The following MAGI1 variants were observed in gnomAD, a reference collection of about 807,000 sequenced individuals.
MAGI1 encodes the protein membrane-associated guanylate kinase, WW and PDZ domain-containing protein 1.
MAGI1 carries 58 observed loss-of-function variants against 139.9 expected under a neutral mutation model. The ratio of observed to expected loss-of-function variants is 0.41; its 90% confidence interval spans 0.34 to 0.52. MAGI1 has a LOEUF of 0.52. Ranked by LOEUF, MAGI1 falls within the 20% of genes least tolerant of loss-of-function variation. MAGI1 has a pLI of 0.12. For synonymous variants in MAGI1, 812 were observed against 737.9 expected (o/e 1.10, Z -1.63); for missense variants, 1,874 against 1,901.6 (o/e 0.99, Z 0.27).
At chr3:65,578,563 C>T (rs1003278406) in intron 2 of MAGI1, among the ~76,000 whole-genome samples, 14 of 152,198 alleles carry the variant, frequency 9.2e-5, no homozygotes, top group Non-Finnish European at 1.9e-4. Flanking sequence ...CATATTTAAC[C>T]CTACAAGGAG....
intron 1 of MAGI1, among the ~76,000 whole-genome samples, chr3:65,696,658 C>A (rs963089929): frequency 5.3e-5 from 8 of 151,980 alleles, no homozygotes; most frequent in Non-Finnish European, 4.4e-5. Flanking sequence ...AACAGAATTT[C>A]CTAACATTTG....
intron 2 of MAGI1, among the ~76,000 whole-genome samples, chr3:65,547,576 T>C (rs967921646): frequency 2.0e-5 from 3 of 152,172 alleles, no homozygotes; most frequent in African/African-American, 7.2e-5. Context: ...CTGCCCACTT[T>C]CTGCAAAGAA....
chr3:65,988,186 A>G (rs2065980879), intron 1 of MAGI1, among the ~76,000 whole-genome samples: 1 of 152,136 alleles, frequency 6.6e-6, no homozygotes, highest in African/African-American at 2.4e-5. Context: ...AGGGACCCCT[A>G]CAAGTTACTC....
At chr3:65,578,075 T>C (rs1484695866) in intron 2 of MAGI1, among the ~76,000 whole-genome samples, 1 of 152,170 alleles carries the variant, frequency 6.6e-6, no homozygotes, top group Non-Finnish European at 1.5e-5. Flanking sequence ...GACTGACGGG[T>C]TCTGCCTCCA....
intron 1 of MAGI1, among the ~76,000 whole-genome samples, chr3:65,941,068 G>A (rs1006536675): frequency 2.0e-5 from 3 of 152,114 alleles, no homozygotes; most frequent in Admixed American, 6.6e-5. Context: ...TGCCCCTGCC[G>A]GGCACGGTGG....
At chr3:65,847,930 G>A (rs1349857442) in intron 1 of MAGI1, among the ~76,000 whole-genome samples, 1 of 152,168 alleles carries the variant, frequency 6.6e-6, no homozygotes, top group Non-Finnish European at 1.5e-5. Flanking sequence ...GGCAACTTGA[G>A]AGACTGGGGT....
At chr3:65,545,996 A>ACG (rs2079484933) in intron 2 of MAGI1, among the ~76,000 whole-genome samples, 2 of 140,328 alleles carry the variant, frequency 1.4e-5, no homozygotes, top group South Asian at 4.3e-4. Context: ...ACACACACGC[A>ACG]CACACACACA....
intron 1 of MAGI1, among the ~76,000 whole-genome samples, chr3:65,711,148 A>G (rs1355446956): frequency 6.6e-6 from 1 of 152,234 alleles, no homozygotes; most frequent in East Asian, 1.9e-4. Context: ...GTACAGTGTT[A>G]GATTTTTTGT....
intron 1 of MAGI1, among the ~76,000 whole-genome samples, chr3:66,023,146 C>T (rs2068049954): frequency 6.6e-6 from 1 of 152,168 alleles, no homozygotes; most frequent in Admixed American, 6.5e-5. Flanking sequence ...TAAGTTGCAT[C>T]TCACATCAGA....
At chr3:65,435,515 A>C (rs1947785064) in intron 10 of MAGI1, among the ~76,000 whole-genome samples, 1 of 151,706 alleles carries the variant, frequency 6.6e-6, no homozygotes, top group Non-Finnish European at 1.5e-5. Context: ...AGATGGATGG[A>C]TACTGTTTCA....
intron 1 of MAGI1, among the ~76,000 whole-genome samples, chr3:65,671,448 T>C (rs1283240971): frequency 6.6e-6 from 1 of 152,154 alleles, no homozygotes; most frequent in African/African-American, 2.4e-5. Context: ...GCTGGCCAAA[T>C]GCCCCCTGCA....
Position 65,591,821 on chromosome 3 carries a change from AT to A in MAGI1, c.430+30150del, listed in dbSNP as rs1291307250. 3.9e-5 allele frequency among the ~76,000 whole-genome samples: 6 copies of A among 152,264 alleles called. No individual in the cohort carries two copies. In the East Asian group the frequency reaches 9.7e-4, roughly 25 times the overall value. On this transcript the variant is annotated intron_variant, in intron 2 of 22. Coordinates refer to ENST00000402939, the MANE Select transcript of MAGI1 (RefSeq NM_001033057.2). ...GCAATGGATTGGCTTTTACCCAGTT[AT>A]GCACATGGCTCCTTCCCTCATGCAT... is the stretch of plus-strand genomic sequence containing the variant.
chr3:66,023,113 T>G (rs2068048176), intron 1 of MAGI1, among the ~76,000 whole-genome samples: 1 of 152,156 alleles, frequency 6.6e-6, no homozygotes, highest in African/African-American at 2.4e-5. Flanking sequence ...GGGCATACAG[T>G]AGTCTAAACT....
At chr3:65,648,258 C>T (rs2085379210) in intron 1 of MAGI1, among the ~76,000 whole-genome samples, 2 of 151,856 alleles carry the variant, frequency 1.3e-5, no homozygotes, top group South Asian at 4.1e-4. Flanking sequence ...AATCCTCCCA[C>T]CTCAGCTTCC....
At chr3:65,778,306 T>C (rs2038638030) in intron 1 of MAGI1, among the ~76,000 whole-genome samples, 1 of 151,848 alleles carries the variant, frequency 6.6e-6, no homozygotes. Context: ...GGCGGGTGCC[T>C]GTAATCCCAG....
intron 6 of MAGI1, among the ~76,000 whole-genome samples, chr3:65,451,860 C>A (rs1389329073): frequency 6.6e-6 from 1 of 152,034 alleles, no homozygotes; most frequent in Non-Finnish European, 1.5e-5. Flanking sequence ...ATTGCCCAGG[C>A]TGGTCTTGAA....
At chr3:65,812,464 T>TCTCA (rs1553711375) in intron 1 of MAGI1, among the ~76,000 whole-genome samples, 4 of 93,648 alleles carry the variant, frequency 4.3e-5, no homozygotes, top group Admixed American at 1.2e-4. Context: ...TCTCTCTCTC[T>TCTCA]CTCTCACACA....
chr3:65,658,900 A>T (rs1316075936), intron 1 of MAGI1, among the ~76,000 whole-genome samples: 2 of 152,214 alleles, frequency 1.3e-5, no homozygotes, highest in Non-Finnish European at 2.9e-5. Context: ...GCATGCAATA[A>T]TGCACAATAA....
intron 1 of MAGI1, among the ~76,000 whole-genome samples, chr3:65,839,847 A>G (rs1159665891): frequency 3.9e-5 from 6 of 152,202 alleles, no homozygotes. Context: ...CAAAACAAAT[A>G]TAGTCATGTT....
Sources: gnomAD v4.1 joint callset for allele counts (sites outside exome capture counted in the v4.1 genomes callset) on GRCh38, gnomAD v4.1.1 for gene constraint, MANE v1.5 for transcripts, NCBI Gene and HGNC (gene_info 2026-07-23, HGNC 2026-07-21) for gene names.